Variants in ROBO1 observed in about 807,000 individuals in gnomAD.
The protein encoded by ROBO1 is roundabout homolog 1.
ROBO1 carries 149 observed loss-of-function variants against 195.9 expected under a neutral mutation model. That is an observed-to-expected ratio of 0.76 (90% CI 0.67 to 0.87). ROBO1 has a LOEUF of 0.87. Ranked by LOEUF, ROBO1 falls within the 40% of genes least tolerant of loss-of-function variation. ROBO1 has a pLI of 0.00. For synonymous variants in ROBO1, 816 were observed against 733.2 expected (o/e 1.11, Z -1.82); for missense variants, 1,933 against 2,068.3 (o/e 0.93, Z 1.27).
At chr3:79,708,099 C>T (rs1473687950) in intron 1 of ROBO1, among the ~76,000 whole-genome samples, 1 of 151,960 alleles carries the variant, frequency 6.6e-6, no homozygotes, top group Non-Finnish European at 1.5e-5. Flanking sequence ...GACCATTTTG[C>T]GTTAATGGCA....
intron 10 of ROBO1, among the ~76,000 whole-genome samples, chr3:78,674,540 A>C (rs1275924013): frequency 1.3e-5 from 2 of 152,234 alleles, no homozygotes; most frequent in Admixed American, 1.3e-4. Context: ...AAACAGTGCC[A>C]AAACAGCAAA....
At chr3:79,140,273 T>G (rs2080497405) in intron 2 of ROBO1, among the ~76,000 whole-genome samples, 2 of 152,182 alleles carry the variant, frequency 1.3e-5, no homozygotes, top group Non-Finnish European at 2.9e-5. Context: ...TTCACATGTT[T>G]TGTTAAATTC....
chr3:79,026,168 C>A (rs1455468172), intron 3 of ROBO1, among the ~76,000 whole-genome samples: 1 of 152,018 alleles, frequency 6.6e-6, no homozygotes, highest in Non-Finnish European at 1.5e-5. Flanking sequence ...TTATAACAAG[C>A]AGTATTTATA....
intron 2 of ROBO1, among the ~76,000 whole-genome samples, chr3:79,467,625 C>T (rs1315992870): frequency 6.6e-6 from 1 of 152,016 alleles, no homozygotes; most frequent in South Asian, 2.1e-4. Flanking sequence ...CTTTTGGGCT[C>T]ACCACCCATC....
Position 79,349,471 on chromosome 3 carries a change from G to C in ROBO1, c.89-223932C>G, listed in dbSNP as rs576482899. Among the ~76,000 whole-genome samples the C allele has an allele frequency of 3.9e-5, 6 of 152,180 alleles. 1 individual carries two copies. The South Asian group carries it at 8.3e-4, about 21-fold the overall frequency. ...TTGATGAGCTAATTTAAAATAGATA[G>C]ATAAATAGATGATAGATAGATTATA... On this transcript the variant is annotated intron_variant, in intron 2 of 30. Transcript: ENST00000464233.
chr3:78,611,234 TA>T (rs1382394664), intron 28 of ROBO1, among the ~76,000 whole-genome samples: 2 of 152,220 alleles, frequency 1.3e-5, no homozygotes, highest in Non-Finnish European at 2.9e-5. Context: ...TAATTAATGA[TA>T]AATCAAGTCA....
At chr3:79,280,036 G>A (rs990338575) in intron 2 of ROBO1, among the ~76,000 whole-genome samples, 1 of 152,128 alleles carries the variant, frequency 6.6e-6, no homozygotes. Context: ...ATATATGAAA[G>A]CTAAAAAATG....
At chr3:79,314,706 A>C (rs1015293925) in intron 2 of ROBO1, among the ~76,000 whole-genome samples, 2 of 152,222 alleles carry the variant, frequency 1.3e-5, no homozygotes, top group Non-Finnish European at 2.9e-5. Context: ...CTTCGACAGC[A>C]TACACTCTTC....
intron 2 of ROBO1, among the ~76,000 whole-genome samples, chr3:79,477,648 C>T (rs1036394369): frequency 6.6e-6 from 1 of 152,016 alleles, no homozygotes; most frequent in East Asian, 1.9e-4. Flanking sequence ...CTGTTTTAAG[C>T]AGAATTTACC....
chr3:79,043,762 G>A (rs1292541071), intron 3 of ROBO1, among the ~76,000 whole-genome samples: 1 of 152,056 alleles, frequency 6.6e-6, no homozygotes, highest in Non-Finnish European at 1.5e-5. Flanking sequence ...AGCTAAACTA[G>A]GCAAACAAAG....
In ROBO1 at chr3:79,589,892, G is replaced by A. The variant is rs768169545; in HGVS notation, c.20C>T (p.Pro7Leu). ...GAGGAGTGATATCATGACCAAAAAA[G>A]GAACATGTTTCCATTTCATCTTTGT... MKWKHV[P>L]FLVMISLLSL... Residue 7 changes from proline to leucine, a missense_variant, in exon 2 of 31, where the codon CCT becomes CTT. Pro to Leu is a moderately conservative substitution (Grantham distance 98). Transcript: ENST00000464233. The A allele has an allele frequency of 1.2e-5, 20 of 1,610,486 alleles. No homozygotes were observed. Among genetic ancestry groups the A allele is most frequent in the Middle Eastern group, 1.7e-4 (1 of 6,046 alleles).
intron 2 of ROBO1, among the ~76,000 whole-genome samples, chr3:79,349,714 AAAT>A (rs2035267398): frequency 1.3e-5 from 2 of 152,312 alleles, no homozygotes; most frequent in Middle Eastern, 3.4e-3. Context: ...TTCAATGGGC[AAAT>A]AATAATCTTT....
At chr3:78,914,034 AG>A in intron 4 of ROBO1, among the ~76,000 whole-genome samples, 1 of 152,184 alleles carries the variant, frequency 6.6e-6, no homozygotes, top group East Asian at 1.9e-4. Context: ...TCTGAGGGCA[AG>A]GGAAAACCAA....
intron 2 of ROBO1, among the ~76,000 whole-genome samples, chr3:79,371,263 C>A (rs530052464): frequency 6.6e-6 from 1 of 152,278 alleles, no homozygotes; most frequent in South Asian, 2.1e-4. Flanking sequence ...AATTGACACA[C>A]TGTCTTCCAC....
intron 1 of ROBO1, among the ~76,000 whole-genome samples, chr3:79,670,928 A>G (rs1946614336): frequency 6.6e-6 from 1 of 151,824 alleles, no homozygotes. Flanking sequence ...AACTAATGTA[A>G]TTGCTTTGAA....
chr3:78,633,625 T>C (rs1323933005), intron 24 of ROBO1, among the ~76,000 whole-genome samples: 1 of 152,188 alleles, frequency 6.6e-6, no homozygotes, highest in Non-Finnish European at 1.5e-5. Flanking sequence ...TTTTTAGTTA[T>C]ATTTTGGCCA....
chr3:78,752,981 T>G (rs1438182087), intron 4 of ROBO1, among the ~76,000 whole-genome samples: 1 of 152,168 alleles, frequency 6.6e-6, no homozygotes, highest in African/African-American at 2.4e-5. Flanking sequence ...GAAGCACTTT[T>G]GAAGATTGGA....
intron 3 of ROBO1, among the ~76,000 whole-genome samples, chr3:79,046,503 A>G (rs1273170917): frequency 6.6e-6 from 1 of 152,152 alleles, no homozygotes; most frequent in Non-Finnish European, 1.5e-5. Context: ...ATTAACTAAC[A>G]TGATCACAAG....
At chr3:79,263,830 C>T (rs182640294) in intron 2 of ROBO1, among the ~76,000 whole-genome samples, 95 of 152,088 alleles carry the variant, frequency 6.2e-4, no homozygotes, top group African/African-American at 2.2e-3. Flanking sequence ...TACTAACATC[C>T]TCTAATATGT....
Sources: gnomAD v4.1 joint callset for allele counts (sites outside exome capture counted in the v4.1 genomes callset) on GRCh38, gnomAD v4.1.1 for gene constraint, MANE v1.5 for transcripts, NCBI Gene and HGNC (gene_info 2026-07-23, HGNC 2026-07-21) for gene names.